Variants in ENTREP2 observed in about 807,000 individuals in gnomAD.
ENTREP2 encodes endosomal transmembrane epsin interactor 2.
the ENTREP2 span, among the ~76,000 whole-genome samples, chr15:29,274,217 G>A: frequency 6.6e-6 from 1 of 152,162 alleles, no homozygotes; most frequent in Admixed American, 6.5e-5. Context: ...CTTATTCCAG[G>A]TGGTTTACAG....
At chr15:29,242,145 C>A in the ENTREP2 span, among the ~76,000 whole-genome samples, 1 of 152,216 alleles carries the variant, frequency 6.6e-6, no homozygotes, top group Non-Finnish European at 1.5e-5. Context: ...ACGATCTTGG[C>A]TCACTGCAAC....
At chr15:29,343,417 T>C in the ENTREP2 span, among the ~76,000 whole-genome samples, 1 of 152,102 alleles carries the variant, frequency 6.6e-6, no homozygotes, top group African/African-American at 2.4e-5. Context: ...GACTGTGACA[T>C]AGAAAGCCCA....
At chr15:29,158,285 G>A in the ENTREP2 span, among the ~76,000 whole-genome samples, 1 of 152,090 alleles carries the variant, frequency 6.6e-6, no homozygotes, top group Non-Finnish European at 1.5e-5. Flanking sequence ...ATGCCAGAAA[G>A]ACTTTTCCCC....
chr15:29,463,158 G>A, the ENTREP2 span, among the ~76,000 whole-genome samples: 1 of 152,142 alleles, frequency 6.6e-6, no homozygotes, highest in South Asian at 2.1e-4. Context: ...GAACTTAGGA[G>A]CCTGTGGGTT....
chr15:29,444,166 CAGACAAAGAAAGAAAG>C, the ENTREP2 span, among the ~76,000 whole-genome samples: 1 of 53,292 alleles, frequency 1.9e-5, no homozygotes, highest in Admixed American at 1.9e-4. Flanking sequence ...GAAAGAAAGA[CAGACAAAGAAAGAAAG>C]AAAGAAAGAA....
chr15:29,475,187 C>T, the ENTREP2 span, among the ~76,000 whole-genome samples: 1 of 152,250 alleles, frequency 6.6e-6, no homozygotes, highest in East Asian at 1.9e-4. Flanking sequence ...CCCCAGTCCT[C>T]ACTGCACAGA....
chr15:29,424,379 G>C, the ENTREP2 span, among the ~76,000 whole-genome samples: 1 of 152,096 alleles, frequency 6.6e-6, no homozygotes, highest in Non-Finnish European at 1.5e-5. Flanking sequence ...CCCTTTTACA[G>C]AGTGCTGATT....
the ENTREP2 span, among the ~76,000 whole-genome samples, chr15:29,653,974 G>T: frequency 6.6e-5 from 10 of 152,128 alleles, no homozygotes; most frequent in African/African-American, 2.4e-4. Context: ...TTCTGCTCAA[G>T]ATTTCCAAGC....
the ENTREP2 span, among the ~76,000 whole-genome samples, chr15:29,345,066 A>T: frequency 1.2e-3 from 181 of 152,022 alleles, no homozygotes; most frequent in African/African-American, 4.2e-3. Flanking sequence ...GAACAATATA[A>T]TCCCACCATA....
At chr15:29,144,479 A>G in the ENTREP2 span, among the ~76,000 whole-genome samples, 1 of 152,186 alleles carries the variant, frequency 6.6e-6, no homozygotes, top group African/African-American at 2.4e-5. Context: ...CTATCATCCA[A>G]GCACTTGGGG....
chr15:29,226,734 AGAGTGCT>A, the ENTREP2 span, among the ~76,000 whole-genome samples: 1 of 152,210 alleles, frequency 6.6e-6, no homozygotes, highest in Non-Finnish European at 1.5e-5. Context: ...TTCTGAGATT[AGAGTGCT>A]GGTAATAGAG....
the ENTREP2 span, among the ~76,000 whole-genome samples, chr15:29,625,860 C>A: frequency 6.6e-6 from 1 of 151,304 alleles, no homozygotes; most frequent in Non-Finnish European, 1.5e-5. Flanking sequence ...TTTTTCTTTT[C>A]TTTTTTATTT....
At chr15:29,176,775 T>C in the ENTREP2 span, among the ~76,000 whole-genome samples, 1 of 152,200 alleles carries the variant, frequency 6.6e-6, no homozygotes, top group South Asian at 2.1e-4. Flanking sequence ...TAATTTCATC[T>C]TCCAAATATT....
At chr15:29,146,765 G>A in the ENTREP2 span, among the ~76,000 whole-genome samples, 1,088 of 152,096 alleles carry the variant, frequency 7.2e-3, 19 homozygotes, top group African/African-American at 0.025. Context: ...GTGAAACCCC[G>A]TCTCTACTAA....
chr15:29,502,925 T>A, the ENTREP2 span, among the ~76,000 whole-genome samples: 1 of 151,516 alleles, frequency 6.6e-6, no homozygotes, highest in Non-Finnish European at 1.5e-5. Flanking sequence ...CCCACTAGGA[T>A]GGCTAGAATA....
the ENTREP2 span, among the ~76,000 whole-genome samples, chr15:29,451,279 C>T: frequency 1.3e-5 from 2 of 151,912 alleles, no homozygotes; most frequent in Non-Finnish European, 2.9e-5. Flanking sequence ...TCTGGCCGGC[C>T]CTCGGCCCTC....
At chr15:29,384,088 C>T in the ENTREP2 span, among the ~76,000 whole-genome samples, 3 of 152,134 alleles carry the variant, frequency 2.0e-5, no homozygotes, top group Admixed American at 2.0e-4. Flanking sequence ...GCCTTCTGTA[C>T]CCAACATTTG....
chr15:29,481,013 G>A, the ENTREP2 span, among the ~76,000 whole-genome samples: 1 of 152,210 alleles, frequency 6.6e-6, no homozygotes, highest in Admixed American at 6.5e-5. Flanking sequence ...CCCCAGCATG[G>A]GAGAACAGAT....
the ENTREP2 span, among the ~76,000 whole-genome samples, chr15:29,628,383 C>G: frequency 6.6e-6 from 1 of 152,116 alleles, no homozygotes; most frequent in Non-Finnish European, 1.5e-5. Flanking sequence ...GGAAATTATT[C>G]TATGTGATCT....
Sources: allele counts gnomAD v4.1 joint callset (sites outside exome capture counted in the v4.1 genomes callset), GRCh38; gene constraint gnomAD v4.1.1; transcripts MANE v1.5; gene names NCBI Gene and HGNC (gene_info 2026-07-23, HGNC 2026-07-21).